Variants in KCTD2 observed in about 807,000 individuals in gnomAD.
The protein encoded by KCTD2 is potassium channel tetramerization domain containing 2, also known as BTB/POZ domain-containing protein KCTD2.
A neutral mutation model predicts 27.9 loss-of-function variants in KCTD2; 18 were observed. The observed-to-expected ratio is 0.64, with a 90% CI of 0.45 to 0.96. The LOEUF is 0.96. Among genes scored for constraint, KCTD2 ranks in the 40% least tolerant of loss-of-function variants. KCTD2 has a pLI of 0.00. For synonymous variants in KCTD2, 175 were observed against 148.4 expected, an observed-to-expected ratio of 1.18 and a Z score of -1.30; for missense variants, 280 against 348.0, an observed-to-expected ratio of 0.80 and a Z score of 1.56.
chr17:75,045,797 C>T (rs2073209094), upstream of KCTD2, among the ~76,000 whole-genome samples: 1 of 152,204 alleles, frequency 6.6e-6, no homozygotes, highest in Non-Finnish European at 1.5e-5. Context: ...GAACGATATA[C>T]ATCCTCAACT....
At position 75,039,105 on chromosome 17, in the gene KCTD2, C is replaced by T. The variant is rs148579788; in HGVS notation, c.-259+3748C>T. ...TGTGTTTAGTTAATGTAAACAGAGA[C>T]GGAAAGCAGAATATCCAAGGCAGGT... On this transcript the variant is annotated intron_variant, in intron 3 of 7. Coordinates refer to the KCTD2 transcript ENST00000581589. 3.3e-5 allele frequency: 53 copies of T among 1,612,314 alleles called. 1 individual carries two copies. The Middle Eastern group carries it at 9.9e-4, about 30-fold the overall frequency.
Position 75,053,471 on chromosome 17 carries a change from C to T in KCTD2, c.540+366C>T, listed in dbSNP as rs543089440. ...TTTTTTTTTTTATGAGATGGAGTCT[C>T]GCCCTGTCGCCCAGGCCGGAGTGCA... On this transcript the variant is annotated intron_variant, in intron 3 of 5. Transcript: ENST00000322444. 1.2e-3 allele frequency among the ~76,000 whole-genome samples: 189 copies of T among 151,888 alleles called. 1 individual carries two copies. Among genetic ancestry groups the T allele is most frequent in the African/African-American group, 4.2e-3 (174 of 41,382 alleles).
At position 75,053,156 on chromosome 17, in the gene KCTD2, G is replaced by A. The variant is rs146585287; in HGVS notation, c.540+51G>A. On this transcript the variant is annotated intron_variant, in intron 3 of 5. Transcript: ENST00000322444. ...GGGTTGTTTCAAGTGGGCTTCTGTCGGTCGGTCTGTGATTTGAAAAGGATG... is the reference window on the plus strand; with the variant it reads ...GGGTTGTTTCAAGTGGGCTTCTGTCAGTCGGTCTGTGATTTGAAAAGGATG... The A allele has an allele frequency of 3.2e-4, 455 of 1,421,798 alleles. 1 individual carries two copies. The East Asian group carries it at 7.0e-3, about 22-fold the overall frequency. The allele number at this position is 1,421,798 out of a possible 1,614,324, so 88.1% of individuals were successfully genotyped here.
chr17:75,062,971 GTCTT>G (rs1430579637), intron 5 of KCTD2, 43 bp from the exon 6 acceptor site: 1 of 1,604,106 alleles, frequency 6.2e-7, no homozygotes, highest in Non-Finnish European at 8.5e-7. Flanking sequence ...CGACATCTCT[GTCTT>G]TCCCTCAGCA....
At chr17:75,059,667 C>T (rs2073384252) in intron 4 of KCTD2, 62 bp downstream of exon 4, 1 of 1,320,536 alleles carries the variant, frequency 7.6e-7, no homozygotes, top group African/African-American at 1.4e-5. Context: ...GCTCTTCAAA[C>T]AATCAGTGTG....
chr17:75,042,484 A>C, upstream of KCTD2: 1 of 1,594,434 alleles, frequency 6.3e-7, no homozygotes, highest in Non-Finnish European at 8.5e-7. Flanking sequence ...TTTTGTTTCT[A>C]GATTCAGTGG....
chr17:75,063,018 A>G lies in KCTD2; in HGVS notation c.763A>G (p.Ile255Val). 1 of 1,613,962 alleles carries G rather than the reference A, an allele frequency of 6.2e-7. No individual in the cohort carries two copies. The highest frequency in any genetic ancestry group is 8.5e-7 in the Non-Finnish European group (1 of 1,179,992). Residue 255 changes from isoleucine to valine, a missense_variant and splice_region_variant, in exon 6 of 6, where the codon ATT becomes GTT. Coordinates refer to ENST00000322444, the MANE Select transcript of KCTD2 (RefSeq NM_015353.3). Reference protein sequence around the residue: ...IVIEPSEKAKILQERGSRM With the variant: ...IVIEPSEKAKVLQERGSRM The stretch of plus-strand genomic sequence containing the variant: ...CCTCTCCCCCATCTCCAACTTTCAG[A>G]TTCTTCAGGAGAGAGGATCGCGGAT...
chr17:75,037,017 G>C (rs8077664), intron 3 of KCTD2, among the ~76,000 whole-genome samples: 1 of 152,128 alleles, frequency 6.6e-6, no homozygotes, highest in African/African-American at 2.4e-5. Context: ...CTCGAGGGTT[G>C]TCAGGCATTG....
chr17:75,060,371 A>G (rs2073391795), intron 4 of KCTD2: 1 of 1,394,144 alleles, frequency 7.2e-7, no homozygotes, highest in African/African-American at 1.5e-5. Context: ...TGATATTTCT[A>G]TTTCACATTC....
At chr17:75,044,709 T>TAAAAAA (rs962873090), upstream of KCTD2, among the ~76,000 whole-genome samples, 1 of 151,332 alleles carries the variant, frequency 6.6e-6, no homozygotes, top group East Asian at 1.9e-4. Context: ...TACAGCCACT[T>TAAAAAA]AAAAAAAAAG....
At chr17:75,048,377 G>A (rs1244909563) in intron 1 of KCTD2, among the ~76,000 whole-genome samples, 1 of 152,052 alleles carries the variant, frequency 6.6e-6, no homozygotes, top group East Asian at 1.9e-4. Context: ...TAAAGGCACT[G>A]ACCATAACTC....
chr17:75,053,048 G>A lies in KCTD2; in HGVS notation c.483G>A (p.Ala161=), dbSNP rs113863274. The A allele has an allele frequency of 1.3e-5, 21 of 1,614,130 alleles. No individual in the cohort carries two copies. In the African/African-American group the frequency reaches 1.6e-4, roughly 12 times the overall value. ...VLEEAEFYNI[A]SLVRLVKERI... ...AGGAAGCGGAGTTTTACAACATCGC[G>A]TCCCTTGTGCGGCTGGTTAAGGAAA... is the stretch of plus-strand genomic sequence containing the variant. The change falls in exon 3 of 6, where the codon GCG becomes GCA. Residue 161 remains alanine (A), a synonymous_variant. Transcript: ENST00000322444.
chr17:75,044,238 G>A (rs1345775557), upstream of KCTD2, among the ~76,000 whole-genome samples: 2 of 85,532 alleles, frequency 2.3e-5, 1 homozygote, highest in African/African-American at 2.9e-4. Context: ...TCGCTCTGTC[G>A]CCCAGGCCGG....
chr17:75,039,609 G>A (rs1453685396), intron 3 of KCTD2: 1 of 315,158 alleles, frequency 3.2e-6, no homozygotes, highest in Non-Finnish European at 5.9e-6. Flanking sequence ...CTCTCTGGTG[G>A]AGCCACTGAG....
upstream of KCTD2, among the ~76,000 whole-genome samples, chr17:75,046,295 G>A (rs527328108): frequency 6.6e-6 from 1 of 152,292 alleles, no homozygotes; most frequent in East Asian, 1.9e-4. Flanking sequence ...CGTTGGCCAG[G>A]CTGGTCTCGA....
At chr17:75,059,423 T>C in intron 3 of KCTD2, 87 bp from the exon 4 acceptor site, 1 of 747,310 alleles carries the variant, frequency 1.3e-6, no homozygotes, top group Non-Finnish European at 2.1e-6. Context: ...TCCTTTTCAG[T>C]GTTTATTCAT....
intron 3 of KCTD2, among the ~76,000 whole-genome samples, chr17:75,056,653 G>T (rs2073352753): frequency 6.6e-6 from 1 of 152,172 alleles, no homozygotes; most frequent in Non-Finnish European, 1.5e-5. Flanking sequence ...TAGTGAAACT[G>T]AAAAATGGAT....
chr17:75,062,096 T>C, intron 4 of KCTD2, 24 bp from the exon 5 acceptor site: 1 of 1,613,292 alleles, frequency 6.2e-7, no homozygotes, highest in South Asian at 1.1e-5. Flanking sequence ...CACATGAATG[T>C]TCACTGTATT....
At chr17:75,035,169 G>GC (rs1344997496) in intron 2 of KCTD2, 1 of 152,028 alleles carries the variant, frequency 6.6e-6, no homozygotes, top group Non-Finnish European at 1.5e-5. Context: ...TTGAGGGTTC[G>GC]AGTCCCTTCG....
Sources: allele counts gnomAD v4.1 joint callset (sites outside exome capture counted in the v4.1 genomes callset), GRCh38; gene constraint gnomAD v4.1.1; transcripts MANE v1.5; gene names NCBI Gene and HGNC (gene_info 2026-07-23, HGNC 2026-07-21).